NKAIN2: variants seen among roughly 807,000 people sequenced by gnomAD.
NKAIN2 encodes the protein sodium/potassium transporting ATPase interacting 2, also known as sodium/potassium-transporting ATPase subunit beta-1-interacting protein 2.
In NKAIN2, 14 loss-of-function variants were observed where a neutral mutation model predicts 32.6. The observed-to-expected ratio is 0.43, with a 90% CI of 0.28 to 0.67. The LOEUF is 0.67. Ranked by LOEUF, NKAIN2 falls within the 30% of genes least tolerant of loss-of-function variation. The pLI is 0.17. For missense variants in NKAIN2, 198 were observed against 258.3 expected (o/e 0.77, Z 1.60); for synonymous variants, 80 against 87.2 (o/e 0.92, Z 0.46).
chr6:123,893,891 T>G (rs1328784931), intron 1 of NKAIN2, among the ~76,000 whole-genome samples: 1 of 152,138 alleles, frequency 6.6e-6, no homozygotes, highest in African/African-American at 2.4e-5. Flanking sequence ...AAATTTAGAC[T>G]TTTGAGCTTC....
chr6:124,061,111 G>A (rs1782901827), intron 1 of NKAIN2, among the ~76,000 whole-genome samples: 1 of 152,092 alleles, frequency 6.6e-6, no homozygotes, highest in Admixed American at 6.6e-5. Flanking sequence ...TTAGGAAATT[G>A]CTTTAAATAT....
intron 3 of NKAIN2, among the ~76,000 whole-genome samples, chr6:124,495,156 CA>C (rs1287921851): frequency 6.6e-6 from 1 of 152,076 alleles, no homozygotes; most frequent in East Asian, 1.9e-4. Context: ...ATCCACATGA[CA>C]TTTTTGGAAG....
intron 1 of NKAIN2, among the ~76,000 whole-genome samples, chr6:124,078,786 TTGTGTGTGTGTGTGTG>T (rs71021477): frequency 4.8e-5 from 7 of 144,732 alleles, no homozygotes; most frequent in South Asian, 2.3e-4. Flanking sequence ...TATGTCGTTT[TTGTGTGTGTGTGTGTG>T]TGTGTGTGTG....
At chr6:124,043,345 A>G (rs1243220957) in intron 1 of NKAIN2, among the ~76,000 whole-genome samples, 1 of 152,054 alleles carries the variant, frequency 6.6e-6, no homozygotes, top group Non-Finnish European at 1.5e-5. Flanking sequence ...AGAAAACATA[A>G]TAATAAAAAT....
chr6:124,712,260 G>C (rs1775522281), intron 4 of NKAIN2, among the ~76,000 whole-genome samples: 1 of 140,744 alleles, frequency 7.1e-6, no homozygotes, highest in Non-Finnish European at 1.5e-5. Context: ...AGAGGTTACT[G>C]CTGTCTTTTT....
intron 3 of NKAIN2, among the ~76,000 whole-genome samples, chr6:124,394,614 C>T (rs1773294773): frequency 6.8e-6 from 1 of 147,590 alleles, no homozygotes; most frequent in Non-Finnish European, 1.5e-5. Context: ...AGGTTCAAGA[C>T]TAAGAAGAGC....
chr6:124,648,982 G>A (rs1784273608), intron 3 of NKAIN2, among the ~76,000 whole-genome samples: 1 of 152,092 alleles, frequency 6.6e-6, no homozygotes, highest in Admixed American at 6.5e-5. Flanking sequence ...GTAGAATGTA[G>A]TGAAAGCACT....
intron 1 of NKAIN2, among the ~76,000 whole-genome samples, chr6:123,831,016 G>C (rs1041259979): frequency 2.6e-5 from 4 of 152,126 alleles, no homozygotes; most frequent in African/African-American, 9.7e-5. Context: ...GCATATTTAA[G>C]GTTACTTTAT....
At chr6:124,659,499 T>C (rs1174134998) in intron 4 of NKAIN2, among the ~76,000 whole-genome samples, 1 of 123,140 alleles carries the variant, frequency 8.1e-6, no homozygotes, top group Non-Finnish European at 1.9e-5. Context: ...ATGTGTGTGC[T>C]TATGTGTGTG....
At chr6:124,088,047 G>A (rs1294683446) in intron 1 of NKAIN2, among the ~76,000 whole-genome samples, 1 of 151,962 alleles carries the variant, frequency 6.6e-6, no homozygotes, top group Admixed American at 6.6e-5. Context: ...AATAAGCAGT[G>A]CACGTTAGAG....
intron 1 of NKAIN2, among the ~76,000 whole-genome samples, chr6:124,192,505 C>A (rs1023952549): frequency 3.9e-5 from 6 of 152,062 alleles, no homozygotes; most frequent in African/African-American, 1.4e-4. Flanking sequence ...ATTTTATGAC[C>A]AGGCATATGG....
At chr6:123,979,527 A>G (rs1040250014) in intron 1 of NKAIN2, among the ~76,000 whole-genome samples, 3 of 152,188 alleles carry the variant, frequency 2.0e-5, no homozygotes, top group Admixed American at 1.3e-4. Flanking sequence ...TGTTAATGCA[A>G]CAGTTTATGC....
chr6:124,706,139 T>C lies in NKAIN2; in HGVS notation c.474+47753T>C, dbSNP rs1172176753. On this transcript the variant is annotated intron_variant, in intron 4 of 6. Transcript: ENST00000368417. ...TCCATTGGTCTGTTCCAGTACCTAG[T>C]ACCTAGGAGGATATCCACTTGTTTT... 2.6e-5 allele frequency among the ~76,000 whole-genome samples: 4 copies of C among 152,182 alleles called. No individual in the cohort carries two copies. The East Asian group carries it at 7.7e-4, about 29-fold the overall frequency.
intron 4 of NKAIN2, among the ~76,000 whole-genome samples, chr6:124,672,742 CAA>C (rs1324530674): frequency 6.6e-6 from 1 of 151,882 alleles, no homozygotes; most frequent in Non-Finnish European, 1.5e-5. Context: ...AATGGCTTGA[CAA>C]AGAAGAGGAT....
intron 4 of NKAIN2, among the ~76,000 whole-genome samples, chr6:124,760,479 T>A (rs990429135): frequency 6.0e-5 from 9 of 150,396 alleles, no homozygotes; most frequent in Non-Finnish European, 5.9e-5. Context: ...TAAAAAAAAA[T>A]AAAAATAAAT....
At chr6:124,254,893 C>T (rs1793854529) in intron 1 of NKAIN2, among the ~76,000 whole-genome samples, 1 of 152,160 alleles carries the variant, frequency 6.6e-6, no homozygotes, top group South Asian at 2.1e-4. Context: ...ATGTAGTCAC[C>T]TCTATTTATA....
At chr6:124,364,220 G>T (rs933191866) in intron 3 of NKAIN2, among the ~76,000 whole-genome samples, 2 of 128,856 alleles carry the variant, frequency 1.6e-5, no homozygotes, top group African/African-American at 3.0e-5. Flanking sequence ...TAAAGCACAG[G>T]AAAGGGTTAA....
rs976427486 is a variant in NKAIN2 at position 124,601,996 on chromosome 6, A to G, written c.274-56190A>G. 2.3e-4 allele frequency among the ~76,000 whole-genome samples: 35 copies of G among 151,966 alleles called. 1 individual carries two copies. Among genetic ancestry groups the G allele is most frequent in the African/African-American group, 8.0e-4 (33 of 41,408 alleles). ...TTGGATATTGATGTTAATCTCCCCA[A>G]TTTTTAGATATTATAATCATTGTGT... is the stretch of plus-strand genomic sequence containing the variant. On this transcript the variant is annotated intron_variant, in intron 3 of 6. Transcript: ENST00000368417.
intron 1 of NKAIN2, among the ~76,000 whole-genome samples, chr6:124,148,786 A>G (rs934401487): frequency 1.3e-5 from 2 of 152,298 alleles, no homozygotes; most frequent in South Asian, 2.1e-4. Context: ...AATATTATGT[A>G]TAACTTTTTG....
Sources: allele counts gnomAD v4.1 joint callset (sites outside exome capture counted in the v4.1 genomes callset), GRCh38; gene constraint gnomAD v4.1.1; transcripts MANE v1.5; gene names NCBI Gene and HGNC (gene_info 2026-07-23, HGNC 2026-07-21).